The following PKNOX2 variants were observed in gnomAD, a reference collection of about 807,000 sequenced individuals.
The protein encoded by PKNOX2 is PBX/knotted 1 homeobox 2.
Under a neutral mutation model 53.1 loss-of-function variants are expected in PKNOX2, and 14 were observed. The ratio of observed to expected loss-of-function variants is 0.26; its 90% CI spans 0.17 to 0.41. The LOEUF (loss-of-function observed/expected upper bound fraction) is 0.41. Among genes scored for constraint, PKNOX2 ranks in the 10% least tolerant of loss-of-function variants. The pLI is 1.00. For synonymous variants in PKNOX2, 257 were observed against 242.8 expected (o/e 1.06, Z -0.54); for missense variants, 496 against 602.8 (o/e 0.82, Z 1.85).
chr11:125,409,987 C>T lies in PKNOX2; in HGVS notation c.589-209C>T, dbSNP rs960453758. 10 of 591,966 alleles carry T rather than the reference C, an allele frequency of 1.7e-5. No homozygotes were observed. In the Admixed American group the frequency reaches 2.2e-4, roughly 13 times the overall value. 36.7% of individuals were successfully genotyped at this position (591,966 alleles called of 1,614,324 possible). On this transcript the variant is annotated intron_variant, in intron 7 of 12. Transcript: ENST00000298282. ...GGCAATGGAATGGTTAAATGGGTGA[C>T]TCTTTTTGTTTTTGTTTTTTTTAAT... is the stretch of plus-strand genomic sequence containing the variant.
chr11:125,181,930 C>T (rs986717142), intron 1 of PKNOX2, among the ~76,000 whole-genome samples: 1 of 152,074 alleles, frequency 6.6e-6, no homozygotes, highest in Non-Finnish European at 1.5e-5. Flanking sequence ...CCCGAAATTC[C>T]CAGTTCAACC....
chr11:125,318,484 C>T (rs938776155), intron 2 of PKNOX2, among the ~76,000 whole-genome samples: 35 of 151,948 alleles, frequency 2.3e-4, no homozygotes, highest in African/African-American at 8.2e-4. Flanking sequence ...AGAGTTATGG[C>T]CTTGCTCTGG....
intron 6 of PKNOX2, among the ~76,000 whole-genome samples, chr11:125,392,315 G>A (rs1954098789): frequency 6.6e-6 from 1 of 152,222 alleles, no homozygotes; most frequent in Admixed American, 6.5e-5. Context: ...AATTAACAGA[G>A]AGCGGGCTCG....
chr11:125,221,283 C>A (rs1565472525), intron 1 of PKNOX2, among the ~76,000 whole-genome samples: 3 of 152,234 alleles, frequency 2.0e-5, no homozygotes, highest in Non-Finnish European at 4.4e-5. Flanking sequence ...CCCAGGGGCA[C>A]CTTGGTACTG....
Position 125,425,455 on chromosome 11 carries a change from CCA to C in PKNOX2, c.937-3556_937-3555del, listed in dbSNP as rs766886611. Among the ~76,000 whole-genome samples the C allele has an allele frequency of 2.8e-4, 42 of 152,330 alleles. No individual in the cohort carries two copies. The East Asian group carries it at 5.6e-3, about 20-fold the overall frequency. On this transcript the variant is annotated intron_variant, in intron 10 of 12. Transcript: ENST00000298282. ...TTTTTCAAGGAAGGATTATCTACTT[CCA>C]GAGAGCTACTGTCTGGGCCCTTCTC...
chr11:125,275,781 A>C (rs964359969), intron 2 of PKNOX2, among the ~76,000 whole-genome samples: 2 of 152,350 alleles, frequency 1.3e-5, no homozygotes, highest in Middle Eastern at 3.4e-3. Flanking sequence ...GAATACGCCA[A>C]GCTCAGGATG....
chr11:125,328,285 T>G (rs1438311614), intron 2 of PKNOX2, among the ~76,000 whole-genome samples: 1 of 151,930 alleles, frequency 6.6e-6, no homozygotes, highest in Non-Finnish European at 1.5e-5. Flanking sequence ...CTTTACCTTC[T>G]ATTTTGCCCA....
intron 7 of PKNOX2, among the ~76,000 whole-genome samples, chr11:125,404,966 G>C (rs768885090): frequency 6.6e-6 from 1 of 151,848 alleles, no homozygotes; most frequent in African/African-American, 2.4e-5. Context: ...CACCCGCCCC[G>C]AGCCCAGGCA....
intron 6 of PKNOX2, among the ~76,000 whole-genome samples, chr11:125,392,325 G>C (rs527903047): frequency 6.6e-6 from 1 of 152,212 alleles, no homozygotes; most frequent in Non-Finnish European, 1.5e-5. Context: ...GAGCGGGCTC[G>C]GACTCAAATC....
At chr11:125,186,051 T>C (rs528083295) in intron 1 of PKNOX2, among the ~76,000 whole-genome samples, 2 of 151,454 alleles carry the variant, frequency 1.3e-5, no homozygotes, top group African/African-American at 4.8e-5. Context: ...TATTCTCTGT[T>C]TTTTTTTTAA....
chr11:125,189,443 G>GTA (rs1565465134), intron 1 of PKNOX2, among the ~76,000 whole-genome samples: 29 of 56,662 alleles, frequency 5.1e-4, no homozygotes, highest in Non-Finnish European at 6.8e-4. Context: ...GTGTGTGTGT[G>GTA]TGTGTATATA....
intron 2 of PKNOX2, among the ~76,000 whole-genome samples, chr11:125,295,170 A>G (rs1334641723): frequency 1.3e-5 from 2 of 152,206 alleles, no homozygotes; most frequent in Admixed American, 1.3e-4. Context: ...GAACAAACCA[A>G]AGATGAATCT....
chr11:125,251,784 A>AT (rs1315813591), intron 2 of PKNOX2, among the ~76,000 whole-genome samples: 41 of 106,532 alleles, frequency 3.8e-4, no homozygotes, highest in African/African-American at 1.2e-3. Flanking sequence ...TATATTATAT[A>AT]AATATATATA....
intron 2 of PKNOX2, among the ~76,000 whole-genome samples, chr11:125,308,688 T>A (rs1264283276): frequency 6.7e-6 from 1 of 149,466 alleles, no homozygotes; most frequent in Non-Finnish European, 1.5e-5. Context: ...CTGGTTTAAC[T>A]GCCGTGCTGT....
Position 125,188,671 on chromosome 11 carries a change from G to A in PKNOX2, c.-201+23895G>A, listed in dbSNP as rs144314853. On this transcript the variant is annotated intron_variant, in intron 1 of 12. Coordinates refer to ENST00000298282, the MANE Select transcript of PKNOX2 (RefSeq NM_001382323.2). ...TGCAAACCCCCGTGCTGTTAACTCG[G>A]TGGTAATCAACACTCTCAGGGAGAT... 1.3e-3 allele frequency among the ~76,000 whole-genome samples: 200 copies of A among 152,190 alleles called. 1 individual carries two copies. The highest frequency in any genetic ancestry group is 2.6e-3 in the Admixed American group (40 of 15,278).
chr11:125,203,600 C>T (rs1031954877), intron 1 of PKNOX2, among the ~76,000 whole-genome samples: 2 of 152,172 alleles, frequency 1.3e-5, no homozygotes, highest in Non-Finnish European at 2.9e-5. Flanking sequence ...GGACATTCTT[C>T]CCCTCTCAAC....
chr11:125,369,540 C>A (rs887443192), intron 5 of PKNOX2, among the ~76,000 whole-genome samples: 1 of 152,190 alleles, frequency 6.6e-6, no homozygotes, highest in African/African-American at 2.4e-5. Flanking sequence ...CTCCATCTCT[C>A]CAGGCACCGA....
intron 2 of PKNOX2, among the ~76,000 whole-genome samples, chr11:125,328,727 T>G (rs1949983213): frequency 6.6e-6 from 1 of 152,146 alleles, no homozygotes; most frequent in Non-Finnish European, 1.5e-5. Context: ...TGGTAAGAAA[T>G]AGAAGGGCAA....
chr11:125,224,287 G>A (rs555075638), intron 1 of PKNOX2, among the ~76,000 whole-genome samples: 3 of 152,402 alleles, frequency 2.0e-5, no homozygotes, highest in Admixed American at 2.0e-4. Flanking sequence ...GGTGCCAGGT[G>A]GAGACTGTCA....
Sources: allele counts gnomAD v4.1 joint callset (sites outside exome capture counted in the v4.1 genomes callset), GRCh38; gene constraint gnomAD v4.1.1; transcripts MANE v1.5; gene names NCBI Gene and HGNC (gene_info 2026-07-23, HGNC 2026-07-21).